Variants in RBFOX1 observed in about 807,000 individuals in gnomAD.
The protein encoded by RBFOX1 is RNA binding protein fox-1 homolog 1.
In RBFOX1, 8 loss-of-function variants were observed where a neutral mutation model predicts 57.7. The observed-to-expected ratio is 0.14, with a 90% CI of 0.08 to 0.25. The LOEUF (loss-of-function observed/expected upper bound fraction) is 0.25. Among genes scored for constraint, RBFOX1 ranks in the 10% least tolerant of loss-of-function variants. The pLI is 1.00. For synonymous variants in RBFOX1, 326 were observed against 222.4 expected (o/e 1.47, Z -4.15); for missense variants, 611 against 548.5 (o/e 1.11, Z -1.14).
chr16:6,294,140 C>T (rs1014433996), intron 1 of RBFOX1, among the ~76,000 whole-genome samples: 1 of 151,664 alleles, frequency 6.6e-6, no homozygotes, highest in Non-Finnish European at 1.5e-5. Flanking sequence ...TATGCTGGTG[C>T]CACTGCACTC....
intron 1 of RBFOX1, among the ~76,000 whole-genome samples, chr16:5,442,919 T>C (rs1051771140): frequency 1.1e-4 from 16 of 152,102 alleles, no homozygotes; most frequent in African/African-American, 3.9e-4. Flanking sequence ...TGAAATCCAG[T>C]GTCTAATGTC....
At chr16:7,127,010 CAAAA>C (rs4035897) in intron 4 of RBFOX1, among the ~76,000 whole-genome samples, 17 of 129,200 alleles carry the variant, frequency 1.3e-4, no homozygotes, top group Admixed American at 1.6e-4. Context: ...GAATCCGTCT[CAAAA>C]AAAAAAAAAA....
chr16:5,557,318 G>T (rs1037154590), intron 2 of RBFOX1, among the ~76,000 whole-genome samples: 39 of 150,940 alleles, frequency 2.6e-4, no homozygotes, highest in African/African-American at 8.3e-4. Flanking sequence ...TTTCTGAAAG[G>T]TTGTTTGCGT....
At chr16:6,812,445 C>T (rs1320585964) in intron 3 of RBFOX1, among the ~76,000 whole-genome samples, 1 of 152,092 alleles carries the variant, frequency 6.6e-6, no homozygotes, top group African/African-American at 2.4e-5. Context: ...CCGATCTCGG[C>T]TCATTGCAAC....
intron 3 of RBFOX1, among the ~76,000 whole-genome samples, chr16:5,842,816 T>G (rs979840659): frequency 6.6e-6 from 1 of 152,144 alleles, no homozygotes; most frequent in African/African-American, 2.4e-5. Context: ...GTTTTTATTT[T>G]TTTTTTAATT....
intron 3 of RBFOX1, among the ~76,000 whole-genome samples, chr16:5,630,530 A>G (rs768003993): frequency 6.6e-6 from 1 of 152,182 alleles, no homozygotes; most frequent in Non-Finnish European, 1.5e-5. Context: ...TCTGATTACA[A>G]AAGTTCTTCA....
At chr16:7,693,009 T>G (rs1025189298) in intron 14 of RBFOX1, among the ~76,000 whole-genome samples, 6 of 152,198 alleles carry the variant, frequency 3.9e-5, no homozygotes, top group African/African-American at 9.6e-5. Flanking sequence ...GAAAGTCATA[T>G]GAGCACAATT....
chr16:6,493,413 A>C (rs1017884213), intron 2 of RBFOX1, among the ~76,000 whole-genome samples: 1 of 152,186 alleles, frequency 6.6e-6, no homozygotes, highest in Non-Finnish European at 1.5e-5. Context: ...CCGGTACTGC[A>C]AAATCATGAT....
At chr16:7,047,716 CTTTTTTTTTTTTTTTT>C (rs55636828) in intron 3 of RBFOX1, among the ~76,000 whole-genome samples, 7 of 47,914 alleles carry the variant, frequency 1.5e-4, no homozygotes, top group Admixed American at 2.5e-4. Flanking sequence ...TCCTGCATTT[CTTTTTTTTTTTTTTTT>C]TTTTTTTTTT....
At chr16:5,367,497 C>A (rs149696912) in intron 1 of RBFOX1, among the ~76,000 whole-genome samples, 1 of 152,226 alleles carries the variant, frequency 6.6e-6, no homozygotes, top group Non-Finnish European at 1.5e-5. Context: ...GCCATATGGG[C>A]AACAGGGAAG....
At chr16:7,067,448 T>C (rs1240256490) in intron 4 of RBFOX1, among the ~76,000 whole-genome samples, 2 of 145,996 alleles carry the variant, frequency 1.4e-5, no homozygotes, top group East Asian at 2.0e-4. Flanking sequence ...AGAGAATCCT[T>C]TTTTTTTTTT....
chr16:6,894,956 C>G (rs2066400539), intron 3 of RBFOX1, among the ~76,000 whole-genome samples: 1 of 152,154 alleles, frequency 6.6e-6, no homozygotes, highest in Non-Finnish European at 1.5e-5. Context: ...CTAGAATTTG[C>G]AACATACACC....
At position 6,647,827 on chromosome 16, in the gene RBFOX1, T is replaced by C. The variant is rs148445630; in HGVS notation, c.-63-6776T>C. On this transcript the variant is annotated intron_variant, in intron 2 of 15. Coordinates refer to ENST00000550418, the MANE Select transcript of RBFOX1 (RefSeq NM_018723.4). ...TTAGCTCACTGTAGCCTTGACTGCC[T>C]AGGGATAAGTGATCCCCTTCTCTTT... Among the ~76,000 whole-genome samples the C allele has an allele frequency of 1.6e-3, 242 of 152,256 alleles. 1 individual carries two copies. The highest frequency in any genetic ancestry group is 5.7e-3 in the African/African-American group (235 of 41,562).
chr16:5,859,668 A>G (rs2057160775), intron 3 of RBFOX1, among the ~76,000 whole-genome samples: 1 of 152,206 alleles, frequency 6.6e-6, no homozygotes, highest in South Asian at 2.1e-4. Flanking sequence ...ATTGGCCAGC[A>G]ACCATGCCAG....
chr16:7,009,315 T>A (rs1473702083), intron 3 of RBFOX1, among the ~76,000 whole-genome samples: 1 of 149,788 alleles, frequency 6.7e-6, no homozygotes, highest in Non-Finnish European at 1.5e-5. Flanking sequence ...CTTCTTTCTC[T>A]TTCTTTGTAC....
At chr16:6,563,456 C>G (rs1478246079) in intron 2 of RBFOX1, among the ~76,000 whole-genome samples, 2 of 152,000 alleles carry the variant, frequency 1.3e-5, no homozygotes, top group Admixed American at 6.6e-5. Flanking sequence ...AGATGTAAGT[C>G]AAAAAATTTG....
chr16:6,780,163 A>C lies in RBFOX1; in HGVS notation c.-16+125513A>C, dbSNP rs866923756. 4.4e-3 allele frequency among the ~76,000 whole-genome samples: 151 copies of C among 34,340 alleles called. 22 individuals are homozygous for C. Among genetic ancestry groups the C allele is most frequent in the African/African-American group, 7.9e-3 (33 of 4,156 alleles). The allele number at this position is 34,340 out of a possible 152,430, so 22.5% of individuals were successfully genotyped here. A position where few individuals can be genotyped will look rare whatever the true frequency, so the allele number is the denominator to read the frequency against. On this transcript the variant is annotated intron_variant, in intron 3 of 15. Coordinates refer to ENST00000550418, the MANE Select transcript of RBFOX1 (RefSeq NM_018723.4). ...TTTATATATATTTATATATATATTTATATATTTTTATATATTTATATATAT... is the reference window on the plus strand; with the variant it reads ...TTTATATATATTTATATATATATTTCTATATTTTTATATATTTATATATAT...
intron 3 of RBFOX1, among the ~76,000 whole-genome samples, chr16:6,717,834 C>G (rs967888208): frequency 6.6e-6 from 1 of 152,144 alleles, no homozygotes; most frequent in Non-Finnish European, 1.5e-5. Flanking sequence ...GTTATTTACC[C>G]AGATGGTGTT....
chr16:7,339,597 A>C (rs560784635), intron 4 of RBFOX1, among the ~76,000 whole-genome samples: 2 of 152,170 alleles, frequency 1.3e-5, no homozygotes, highest in Admixed American at 6.5e-5. Flanking sequence ...GCACCACCAC[A>C]ACCAGCTTAT....
Sources: gnomAD v4.1 joint callset for allele counts (sites outside exome capture counted in the v4.1 genomes callset) on GRCh38, gnomAD v4.1.1 for gene constraint, MANE v1.5 for transcripts, NCBI Gene and HGNC (gene_info 2026-07-23, HGNC 2026-07-21) for gene names.